CUL3: variants seen among roughly 807,000 people sequenced by gnomAD.
CUL3 encodes the protein cullin-3.
Under a neutral mutation model 89.1 loss-of-function variants are expected in CUL3, and 19 were observed. The ratio of observed to expected loss-of-function variants is 0.21; its 90% CI spans 0.15 to 0.31. CUL3 has a LOEUF of 0.31. Among genes scored for constraint, CUL3 ranks in the 10% least tolerant of loss-of-function variants. CUL3 has a pLI of 1.00. For missense variants in CUL3, 469 were observed against 942.3 expected, an observed-to-expected ratio of 0.50 and a Z score of 6.58; for synonymous variants, 351 against 308.4, an observed-to-expected ratio of 1.14 and a Z score of -1.45.
rs1691203163 is a variant in CUL3 at position 224,473,441 on chromosome 2, TAAATG to T, written c.*799_*803del. On this transcript the variant is annotated 3_prime_UTR_variant, in exon 16 of 16. Transcript: ENST00000264414. ...CTAAATTCATTATTTTTGTCTACAA[TAAATG>T]AAATAAAAACACCACCCTATACAAT... The T allele has an allele frequency of 5.4e-6, 1 of 186,818 alleles. No individual in the cohort carries two copies. Among genetic ancestry groups the T allele is most frequent in the South Asian group, 2.0e-4 (1 of 5,110 alleles). 11.6% of individuals were successfully genotyped at this position (186,818 alleles called of 1,614,324 possible).
At chr2:224,563,262 A>T (rs1694958646) in intron 1 of CUL3, 1 of 471,066 alleles carries the variant, frequency 2.1e-6, no homozygotes. Context: ...ACTTTTCCAG[A>T]GCCATTTAAA....
At chr2:224,529,388 T>A (rs886583220) in intron 3 of CUL3, among the ~76,000 whole-genome samples, 8 of 149,584 alleles carry the variant, frequency 5.3e-5, no homozygotes, top group Non-Finnish European at 1.0e-4. Flanking sequence ...GAGGCCGAGG[T>A]AGGCAGATCA....
At chr2:224,560,776 C>T (rs1008341095) in intron 1 of CUL3, 4 of 152,252 alleles carry the variant, frequency 2.6e-5, no homozygotes, top group Admixed American at 1.3e-4. Context: ...AATCATGTCA[C>T]TCATTTGCTC....
At chr2:224,515,885 G>A (rs1278218872) in intron 3 of CUL3, among the ~76,000 whole-genome samples, 1 of 151,922 alleles carries the variant, frequency 6.6e-6, no homozygotes, top group Admixed American at 6.6e-5. Flanking sequence ...GTGGAGACGG[G>A]GTTTCATCAG....
At chr2:224,546,988 C>T (rs1230137930) in intron 2 of CUL3, among the ~76,000 whole-genome samples, 2 of 152,150 alleles carry the variant, frequency 1.3e-5, no homozygotes, top group African/African-American at 2.4e-5. Flanking sequence ...ACACCTAGCT[C>T]ACAGTCTCTT....
intron 13 of CUL3, among the ~76,000 whole-genome samples, chr2:224,488,975 C>T (rs995350566): frequency 5.3e-5 from 8 of 152,278 alleles, no homozygotes; most frequent in Non-Finnish European, 8.8e-5. Flanking sequence ...AATCAATAAA[C>T]GTAATCCACC....
intron 7 of CUL3, 30 bp downstream of exon 7, chr2:224,506,828 A>T (rs764934550): frequency 6.2e-7 from 1 of 1,607,902 alleles, no homozygotes; most frequent in South Asian, 1.1e-5. Context: ...CCTTTATCAT[A>T]AACACAGAGA....
At chr2:224,539,557 T>C (rs1688743512) in intron 2 of CUL3, among the ~76,000 whole-genome samples, 1 of 152,174 alleles carries the variant, frequency 6.6e-6, no homozygotes, top group South Asian at 2.1e-4. Context: ...AACCAAGACG[T>C]TCTTCTGCAG....
intron 2 of CUL3, among the ~76,000 whole-genome samples, chr2:224,554,237 T>C (rs141366059): frequency 1.3e-5 from 2 of 152,320 alleles, no homozygotes; most frequent in African/African-American, 2.4e-5. Flanking sequence ...AATTCCTTAG[T>C]ATATCCCTTA....
intron 2 of CUL3, among the ~76,000 whole-genome samples, chr2:224,555,320 G>A (rs752170950): frequency 8.6e-5 from 13 of 152,026 alleles, no homozygotes; most frequent in Admixed American, 3.3e-4. Context: ...TCTTTGTCTA[G>A]ACTTAAGTTT....
rs2106303940 is a variant in CUL3, at chr2:224,557,643, C to A, written c.264+16G>T. 1 of 1,562,944 alleles carries A rather than the reference C, an allele frequency of 6.4e-7. No homozygotes were observed. ...ATTCAATATAGTATTAGCAACAGTCCTTTAAAGTTTGATACCTTATTTATG... is the reference window on the plus strand; with the variant it reads ...ATTCAATATAGTATTAGCAACAGTCATTTAAAGTTTGATACCTTATTTATG... On this transcript the variant is annotated intron_variant, in intron 2 of 15. Transcript: ENST00000264414.
chr2:224,492,413 T>G (rs1692019886), intron 13 of CUL3, among the ~76,000 whole-genome samples: 1 of 152,228 alleles, frequency 6.6e-6, no homozygotes, highest in South Asian at 2.1e-4. Context: ...TCTATTTAAA[T>G]TCTGACATTA....
intron 13 of CUL3, among the ~76,000 whole-genome samples, chr2:224,494,186 T>C (rs927555135): frequency 1.3e-5 from 2 of 152,162 alleles, no homozygotes; most frequent in Admixed American, 6.5e-5. Context: ...GAATATTAAA[T>C]AGGCCTAGAA....
At position 224,473,954 on chromosome 2, in the gene CUL3, C is replaced by A; in HGVS notation, c.*291G>T. The A allele has an allele frequency of 3.8e-6, 1 of 260,658 alleles. No individual in the cohort carries two copies. Among genetic ancestry groups the A allele is most frequent in the Non-Finnish European group, 7.3e-6 (1 of 136,160 alleles). The allele number at this position is 260,658 out of a possible 1,614,324, so 16.1% of individuals were successfully genotyped here. The stretch of plus-strand genomic sequence containing the variant: ...GTAATGAGCTGTATTTTCTAAATTT[C>A]TCTTTTATTTTCCTGTTTTCATACA... On this transcript the variant is annotated 3_prime_UTR_variant, in exon 16 of 16. Coordinates refer to ENST00000264414, the MANE Select transcript of CUL3 (RefSeq NM_003590.5).
chr2:224,576,472 T>C (rs1462834697), intron 1 of CUL3, among the ~76,000 whole-genome samples: 3 of 152,222 alleles, frequency 2.0e-5, no homozygotes, highest in African/African-American at 7.2e-5. Flanking sequence ...AGACTTCACT[T>C]AGAGTTACAA....
intron 2 of CUL3, among the ~76,000 whole-genome samples, chr2:224,554,630 T>TA (rs1295242766): frequency 6.6e-6 from 1 of 152,198 alleles, no homozygotes; most frequent in Non-Finnish European, 1.5e-5. Context: ...GACATAATAG[T>TA]AGTATCTGCA....
chr2:224,521,705 T>C (rs896331980), intron 3 of CUL3, among the ~76,000 whole-genome samples: 2 of 151,994 alleles, frequency 1.3e-5, no homozygotes, highest in African/African-American at 4.8e-5. Context: ...TTACTACTAC[T>C]CCTAATAGAC....
intron 3 of CUL3, among the ~76,000 whole-genome samples, chr2:224,516,596 C>T (rs1046783651): frequency 2.0e-5 from 3 of 149,258 alleles, no homozygotes; most frequent in Non-Finnish European, 3.0e-5. Context: ...ATTACAGGCG[C>T]GAGCCTCTGA....
intron 1 of CUL3, among the ~76,000 whole-genome samples, chr2:224,582,310 T>C (rs1442007487): frequency 1.3e-5 from 2 of 152,308 alleles, no homozygotes; most frequent in East Asian, 3.9e-4. Context: ...TACTTTTGAC[T>C]AGCAACTCAC....
Sources: allele counts gnomAD v4.1 joint callset (sites outside exome capture counted in the v4.1 genomes callset), GRCh38; gene constraint gnomAD v4.1.1; transcripts MANE v1.5; gene names NCBI Gene and HGNC (gene_info 2026-07-23, HGNC 2026-07-21).